Variants in TBC1D5 observed in about 807,000 individuals in gnomAD.
TBC1D5 encodes the protein TBC1 domain family, member 5.
Under a neutral mutation model 100.3 loss-of-function variants are expected in TBC1D5, and 75 were observed. The ratio of observed to expected loss-of-function variants is 0.75; its 90% CI spans 0.62 to 0.91. The LOEUF (loss-of-function observed/expected upper bound fraction) is 0.91. Ranked by LOEUF, TBC1D5 falls within the 40% of genes least tolerant of loss-of-function variation. The pLI, the probability that TBC1D5 is intolerant of heterozygous loss-of-function variation, is 0.00. For missense variants in TBC1D5, 910 were observed against 942.4 expected (o/e 0.97, Z 0.45); for synonymous variants, 323 against 325.6 (o/e 0.99, Z 0.09).
chr3:17,261,362 G>A (rs1410767933), intron 15 of TBC1D5, among the ~76,000 whole-genome samples: 1 of 150,070 alleles, frequency 6.7e-6, no homozygotes, highest in African/African-American at 2.5e-5. Context: ...TAACTGGGAC[G>A]TACCAAAATG....
upstream of TBC1D5, among the ~76,000 whole-genome samples, chr3:17,741,921 A>G (rs2077481749): frequency 6.6e-6 from 1 of 150,420 alleles, no homozygotes; most frequent in African/African-American, 2.5e-5. Context: ...TCAAAAGTGA[A>G]GTCAAGGCTT....
intron 14 of TBC1D5, among the ~76,000 whole-genome samples, chr3:17,302,533 G>C (rs935189654): frequency 6.6e-6 from 1 of 152,160 alleles, no homozygotes; most frequent in Non-Finnish European, 1.5e-5. Context: ...TACAAAATCA[G>C]AATTTTGGAC....
At chr3:17,288,043 G>T (rs2081340389) in intron 15 of TBC1D5, among the ~76,000 whole-genome samples, 1 of 152,190 alleles carries the variant, frequency 6.6e-6, no homozygotes, top group African/African-American at 2.4e-5. Flanking sequence ...ATTCAGGAAT[G>T]ATTACAGTAT....
intron 1 of TBC1D5, among the ~76,000 whole-genome samples, chr3:17,716,057 A>G (rs1194520340): frequency 2.0e-5 from 3 of 152,164 alleles, no homozygotes; most frequent in Non-Finnish European, 4.4e-5. Flanking sequence ...CATCTCAAAA[A>G]AAAGAAAAAA....
intron 14 of TBC1D5, among the ~76,000 whole-genome samples, chr3:17,295,909 C>G (rs1313926211): frequency 1.3e-5 from 2 of 152,114 alleles, no homozygotes; most frequent in Non-Finnish European, 2.9e-5. Context: ...CATTGACTCT[C>G]TATTATAGCT....
chr3:17,323,036 AG>A (rs1010993959), intron 13 of TBC1D5, among the ~76,000 whole-genome samples: 6 of 152,244 alleles, frequency 3.9e-5, no homozygotes, highest in Admixed American at 3.3e-4. Flanking sequence ...AAAATCTCAA[AG>A]TAGTTTAACA....
chr3:17,446,687 T>C (rs891513842), intron 3 of TBC1D5, among the ~76,000 whole-genome samples: 5 of 152,156 alleles, frequency 3.3e-5, no homozygotes, highest in Admixed American at 6.5e-5. Flanking sequence ...AAAGACCACA[T>C]TGGGCCGGGC....
intron 2 of TBC1D5, among the ~76,000 whole-genome samples, chr3:17,616,711 C>T (rs1270097087): frequency 1.3e-5 from 2 of 151,954 alleles, no homozygotes; most frequent in Non-Finnish European, 2.9e-5. Context: ...GGATTGCAAC[C>T]CCTGCCTTTT....
chr3:17,572,765 CA>C (rs1168662872), intron 2 of TBC1D5, among the ~76,000 whole-genome samples: 1 of 152,034 alleles, frequency 6.6e-6, no homozygotes, highest in Non-Finnish European at 1.5e-5. Flanking sequence ...TTGTTGTCTC[CA>C]GCTCTGCATT....
In TBC1D5 at chr3:17,406,486, C is replaced by A. The variant is rs1434954006; in HGVS notation, c.208G>T (p.Ala70Ser). ...TTAATCCCCTTCTGCCTTATTGTTG[C>A]CAAGTAATTGTTGTTTACAAATAGT... Residue 70 changes from alanine (A) to serine (S), a missense_variant, in exon 5 of 22, where the codon GCA becomes TCA. Ala to Ser is a moderately conservative substitution (Grantham distance 99). Transcript: ENST00000253692. The A allele has an allele frequency of 4.3e-6, 7 of 1,611,596 alleles. No homozygotes were observed. The African/African-American group carries it at 5.4e-5, about 12-fold the overall frequency.
intron 13 of TBC1D5, among the ~76,000 whole-genome samples, chr3:17,363,441 A>G (rs2091877349): frequency 6.6e-6 from 1 of 151,858 alleles, no homozygotes; most frequent in South Asian, 2.1e-4. Context: ...CTTAATTTGT[A>G]TATTTCTTTC....
chr3:17,343,425 T>A lies in TBC1D5; in HGVS notation c.995+28650A>T, dbSNP rs2089327746. Reference sequence around the variant, plus strand: ...TTCATCAAAGATATTGGTCTAAAATTCTCTTTTTTGGTTGTGTCTCTGCCC... The same window carrying A: ...TTCATCAAAGATATTGGTCTAAAATACTCTTTTTTGGTTGTGTCTCTGCCC... On this transcript the variant is annotated intron_variant, in intron 13 of 21. Coordinates refer to ENST00000253692, the Ensembl canonical transcript of TBC1D5. Among the ~76,000 whole-genome samples the A allele has an allele frequency of 2.6e-5, 4 of 151,404 alleles. No individual in the cohort carries two copies. The South Asian group carries it at 8.3e-4, about 32-fold the overall frequency.
Position 17,401,091 on chromosome 3 carries a change from C to T in TBC1D5, c.509+2090G>A, listed in dbSNP as rs575093121. On this transcript the variant is annotated intron_variant, in intron 8 of 21. Coordinates refer to ENST00000253692, the Ensembl canonical transcript of TBC1D5. Reference sequence around the variant, plus strand: ...CTAACAGTTCTGTCCCTCTAGAGAACGCTAATACATTTCCCTACTATTCTA... The same window carrying T: ...CTAACAGTTCTGTCCCTCTAGAGAATGCTAATACATTTCCCTACTATTCTA... Among the ~76,000 whole-genome samples, 17 of 152,112 alleles carry T rather than the reference C, an allele frequency of 1.1e-4. No homozygotes were observed. In the South Asian group the frequency reaches 2.1e-3, roughly 19 times the overall value.
intron 2 of TBC1D5, among the ~76,000 whole-genome samples, chr3:17,620,325 C>T (rs1046155617): frequency 3.9e-5 from 6 of 152,278 alleles, no homozygotes; most frequent in Admixed American, 3.3e-4. Context: ...AGGAATTTGC[C>T]CTGAAGATAC....
chr3:17,222,726 T>A lies in TBC1D5; in HGVS notation c.1589-8356A>T, dbSNP rs545271596. ...CTAGGGTGTGTCATTTTTACTTTCA[T>A]CCTGCTTATGGGATTTTTTTTTTTC... On this transcript the variant is annotated intron_variant, in intron 17 of 21. Transcript: ENST00000253692. Among the ~76,000 whole-genome samples the A allele has an allele frequency of 2.6e-5, 4 of 152,188 alleles. No homozygotes were observed. The East Asian group carries it at 7.7e-4, about 29-fold the overall frequency.
At chr3:17,290,967 G>A (rs1462513308) in intron 15 of TBC1D5, among the ~76,000 whole-genome samples, 1 of 152,154 alleles carries the variant, frequency 6.6e-6, no homozygotes. Context: ...CAACAACCAA[G>A]GAAAGGACAG....
intron 18 of TBC1D5, among the ~76,000 whole-genome samples, chr3:17,199,730 A>G (rs2125780318): frequency 6.6e-6 from 1 of 152,350 alleles, no homozygotes; most frequent in East Asian, 1.9e-4. Context: ...GATAGCCACC[A>G]GGAATAAAAA....
intron 13 of TBC1D5, among the ~76,000 whole-genome samples, chr3:17,330,013 G>C (rs2086680603): frequency 6.6e-6 from 1 of 152,040 alleles, no homozygotes; most frequent in African/African-American, 2.4e-5. Flanking sequence ...TTCATTTACA[G>C]ACAACAACCC....
chr3:17,682,506 CTTAGT>C (rs1319376446), intron 1 of TBC1D5, among the ~76,000 whole-genome samples: 1 of 151,332 alleles, frequency 6.6e-6, no homozygotes, highest in Non-Finnish European at 1.5e-5. Context: ...CACAAGAGAA[CTTAGT>C]TTAATCATAA....
Sources: allele counts gnomAD v4.1 joint callset (sites outside exome capture counted in the v4.1 genomes callset), GRCh38; gene constraint gnomAD v4.1.1; transcripts MANE v1.5; gene names NCBI Gene and HGNC (gene_info 2026-07-23, HGNC 2026-07-21).